Variants in DLG2 observed in about 807,000 individuals in gnomAD.
DLG2 encodes disks large homolog 2.
DLG2 carries 45 observed loss-of-function variants against 132.5 expected under a neutral mutation model. That is an observed-to-expected ratio of 0.34 (90% CI 0.27 to 0.44). The LOEUF is 0.44. Ranked by LOEUF, DLG2 falls within the 20% of genes least tolerant of loss-of-function variation. The pLI is 1.00. For missense variants in DLG2, 1,045 were observed against 1,196.9 expected (o/e 0.87, Z 1.87); for synonymous variants, 424 against 419.6 (o/e 1.01, Z -0.13).
At chr11:84,571,062 C>A (rs1193325831) in intron 6 of DLG2, among the ~76,000 whole-genome samples, 1 of 152,118 alleles carries the variant, frequency 6.6e-6, no homozygotes, top group Non-Finnish European at 1.5e-5. Flanking sequence ...AATACCCTAG[C>A]TCTGTGTTCC....
intron 25 of DLG2, among the ~76,000 whole-genome samples, chr11:83,467,672 C>T (rs1293447061): frequency 2.0e-5 from 3 of 150,838 alleles, no homozygotes; most frequent in Non-Finnish European, 3.0e-5. Flanking sequence ...ATCACTTGAA[C>T]CCAGGAGGTG....
At position 84,174,561 on chromosome 11, in the gene DLG2, T is replaced by TAA. The variant is rs1216875493; in HGVS notation, c.574-11051_574-11050insTT. ...TAAATGCCTTAATGCAATTTATGTTTATTAAAATTCTAATTAATGTAGAAA... is the reference window on the plus strand; with the variant it reads ...TAAATGCCTTAATGCAATTTATGTTTAAATTAAAATTCTAATTAATGTAGAAA... On this transcript the variant is annotated intron_variant, in intron 8 of 27. Transcript: ENST00000376104. 4.6e-5 allele frequency among the ~76,000 whole-genome samples: 7 copies of TAA among 152,184 alleles called. 1 individual carries two copies. The highest frequency in any genetic ancestry group is 2.6e-4 in the Admixed American group (4 of 15,264).
At chr11:84,178,742 AG>A (rs1397785486) in intron 8 of DLG2, among the ~76,000 whole-genome samples, 23 of 152,130 alleles carry the variant, frequency 1.5e-4, no homozygotes, top group Admixed American at 4.6e-4. Flanking sequence ...ACAACAAAAA[AG>A]AAAAAAAAAA....
At chr11:85,354,728 TTC>T (rs371530943) in intron 3 of DLG2, among the ~76,000 whole-genome samples, 109 of 149,386 alleles carry the variant, frequency 7.3e-4, no homozygotes, top group African/African-American at 1.8e-3. Flanking sequence ...ACGTCACTGT[TTC>T]TCTCTCTCTC....
intron 2 of DLG2, among the ~76,000 whole-genome samples, chr11:85,610,242 T>C (rs1469637071): frequency 6.6e-6 from 1 of 152,198 alleles, no homozygotes; most frequent in African/African-American, 2.4e-5. Context: ...AGTAAGGAAA[T>C]GCAGCAGTGA....
At chr11:83,833,579 T>C in intron 17 of DLG2, 35 bp downstream of exon 17, 1 of 1,582,870 alleles carries the variant, frequency 6.3e-7, no homozygotes. Flanking sequence ...TGGCGTCAGA[T>C]ATGGAGGGAA....
In DLG2 at chr11:84,155,349, C is replaced by T. The variant is rs75520628; in HGVS notation, c.624+8112G>A. 4.7e-4 allele frequency among the ~76,000 whole-genome samples: 72 copies of T among 152,160 alleles called. No homozygotes were observed. The East Asian group carries it at 0.013, about 28-fold the overall frequency. On this transcript the variant is annotated intron_variant, in intron 9 of 27. Coordinates refer to ENST00000376104, the MANE Select transcript of DLG2 (RefSeq NM_001142699.3). ...CCCTCTTCTACTTTGGTTTCTATGT[C>T]ACCTCTCTATAAACTTTCAACGTTT...
chr11:84,422,513 A>G (rs919597041), intron 7 of DLG2, among the ~76,000 whole-genome samples: 10 of 152,210 alleles, frequency 6.6e-5, no homozygotes, highest in African/African-American at 2.4e-4. Context: ...ATTCTGGTTT[A>G]GATTTGCCAA....
At chr11:84,803,694 A>G (rs2075683219) in intron 6 of DLG2, among the ~76,000 whole-genome samples, 1 of 152,214 alleles carries the variant, frequency 6.6e-6, no homozygotes, top group Non-Finnish European at 1.5e-5. Flanking sequence ...GTTACGAGTA[A>G]TCATCAAAAG....
At chr11:84,872,557 A>G (rs1483667998) in intron 6 of DLG2, among the ~76,000 whole-genome samples, 1 of 152,228 alleles carries the variant, frequency 6.6e-6, no homozygotes, top group African/African-American at 2.4e-5. Flanking sequence ...AGTATTGCCC[A>G]GTTTTATTAA....
intron 6 of DLG2, among the ~76,000 whole-genome samples, chr11:84,586,502 T>C (rs1006789456): frequency 6.6e-6 from 1 of 152,182 alleles, no homozygotes; most frequent in African/African-American, 2.4e-5. Context: ...TTGGCTAAGA[T>C]CAAGTGTAGG....
At chr11:84,849,309 G>A (rs879429476) in intron 6 of DLG2, among the ~76,000 whole-genome samples, 3 of 152,092 alleles carry the variant, frequency 2.0e-5, no homozygotes, top group Admixed American at 6.6e-5. Context: ...ACAATAAAAC[G>A]TGAAACAGCA....
intron 4 of DLG2, among the ~76,000 whole-genome samples, chr11:85,202,648 C>G (rs189852246): frequency 1.3e-5 from 2 of 151,968 alleles, no homozygotes; most frequent in Non-Finnish European, 2.9e-5. Context: ...TGTTAAGCCA[C>G]GAAACAAGTC....
intron 6 of DLG2, among the ~76,000 whole-genome samples, chr11:84,859,695 C>T (rs2083353254): frequency 6.6e-6 from 1 of 151,754 alleles, no homozygotes; most frequent in Non-Finnish European, 1.5e-5. Context: ...TTCCATTCTA[C>T]AAAGTTCTTC....
chr11:85,430,621 C>T (rs1295777121), intron 3 of DLG2, among the ~76,000 whole-genome samples: 3 of 151,996 alleles, frequency 2.0e-5, no homozygotes, highest in Admixed American at 2.0e-4. Context: ...CCATAGAGCT[C>T]CCAAAATATT....
chr11:84,219,299 C>T (rs2096882239), intron 8 of DLG2, among the ~76,000 whole-genome samples: 1 of 152,188 alleles, frequency 6.6e-6, no homozygotes, highest in South Asian at 2.1e-4. Flanking sequence ...CAAGTTTCTA[C>T]ATCTAAATCC....
intron 18 of DLG2, among the ~76,000 whole-genome samples, chr11:83,644,598 G>C (rs980810408): frequency 9.9e-5 from 15 of 152,144 alleles, no homozygotes; most frequent in Non-Finnish European, 1.5e-4. Context: ...TATGCAGCCA[G>C]AAAAATCACA....
chr11:83,723,173 A>G (rs571652973), intron 18 of DLG2, among the ~76,000 whole-genome samples: 126 of 151,798 alleles, frequency 8.3e-4, no homozygotes, highest in African/African-American at 3.0e-3. Context: ...TTGAGGTTAG[A>G]AGTTCGAGAC....
intron 2 of DLG2, among the ~76,000 whole-genome samples, chr11:85,602,828 T>C (rs78471566): frequency 0.036 from 5,539 of 152,272 alleles, 153 homozygotes; most frequent in Admixed American, 0.053. Flanking sequence ...GCCTCTATAC[T>C]TGTGATTCTG....
Sources: gnomAD v4.1 joint callset for allele counts (sites outside exome capture counted in the v4.1 genomes callset) on GRCh38, gnomAD v4.1.1 for gene constraint, MANE v1.5 for transcripts, NCBI Gene and HGNC (gene_info 2026-07-23, HGNC 2026-07-21) for gene names.